The following CDH13 variants were observed in gnomAD, a reference collection of about 807,000 sequenced individuals.
CDH13 encodes the protein cadherin 13.
A neutral mutation model predicts 63.8 loss-of-function variants in CDH13; 24 were observed. That is an observed-to-expected ratio of 0.38 (90% CI 0.27 to 0.53). CDH13 has a LOEUF of 0.53. Ranked by LOEUF, CDH13 falls within the 20% of genes least tolerant of loss-of-function variation. The pLI is 0.85. For missense variants in CDH13, 1,049 were observed against 903.1 expected, an observed-to-expected ratio of 1.16 and a Z score of -2.07; for synonymous variants, 503 against 355.3, an observed-to-expected ratio of 1.42 and a Z score of -4.67.
chr16:83,273,181 T>G (rs1254691060), intron 5 of CDH13, among the ~76,000 whole-genome samples: 1 of 151,940 alleles, frequency 6.6e-6, no homozygotes, highest in East Asian at 1.9e-4. Flanking sequence ...AATTTTTTTT[T>G]CTTTTTTAAA....
chr16:83,708,159 C>T (rs1321881382), intron 10 of CDH13, among the ~76,000 whole-genome samples: 2 of 152,198 alleles, frequency 1.3e-5, no homozygotes, highest in South Asian at 2.1e-4. Flanking sequence ...CCACCCAAAG[C>T]CACCGGGAGA....
At chr16:83,339,795 C>G (rs749556922) in intron 5 of CDH13, among the ~76,000 whole-genome samples, 1 of 152,180 alleles carries the variant, frequency 6.6e-6, no homozygotes, top group African/African-American at 2.4e-5. Flanking sequence ...AAGCTTTCCA[C>G]CGTGTGAGCA....
At chr16:83,625,082 C>A (rs1445222438) in intron 8 of CDH13, among the ~76,000 whole-genome samples, 1 of 152,126 alleles carries the variant, frequency 6.6e-6, no homozygotes, top group Non-Finnish European at 1.5e-5. Flanking sequence ...GCTTTTCCCC[C>A]TGAATTGCCA....
intron 1 of CDH13, among the ~76,000 whole-genome samples, chr16:82,843,800 G>A (rs1384296051): frequency 6.6e-6 from 1 of 152,206 alleles, no homozygotes; most frequent in Non-Finnish European, 1.5e-5. Flanking sequence ...GGTAGGATCT[G>A]ATAATTATTT....
chr16:82,783,153 G>GA (rs1170941902), intron 1 of CDH13, among the ~76,000 whole-genome samples: 2 of 152,210 alleles, frequency 1.3e-5, no homozygotes, highest in Non-Finnish European at 2.9e-5. Context: ...TCCTGTGAAA[G>GA]AAACAGGCTT....
chr16:83,091,220 C>T (rs1157071610), intron 3 of CDH13, among the ~76,000 whole-genome samples: 6 of 151,184 alleles, frequency 4.0e-5, no homozygotes, highest in African/African-American at 1.2e-4. Context: ...TCTCCTTCTC[C>T]TCCTCTTTGC....
At chr16:83,028,198 C>A (rs115711794) in intron 2 of CDH13, among the ~76,000 whole-genome samples, 1 of 152,132 alleles carries the variant, frequency 6.6e-6, no homozygotes, top group Non-Finnish European at 1.5e-5. Flanking sequence ...TAATTTGCCT[C>A]CAGTGGATGA....
At chr16:83,628,916 G>A (rs147247244) in intron 8 of CDH13, among the ~76,000 whole-genome samples, 1 of 152,246 alleles carries the variant, frequency 6.6e-6, no homozygotes, top group East Asian at 1.9e-4. Flanking sequence ...AGAATCAGCA[G>A]GAAACCTACA....
intron 1 of CDH13, among the ~76,000 whole-genome samples, chr16:82,806,646 T>C (rs948453067): frequency 1.3e-5 from 2 of 152,108 alleles, no homozygotes; most frequent in African/African-American, 4.8e-5. Flanking sequence ...AGTTGAATAA[T>C]GGTGGGATTT....
chr16:83,434,057 C>T (rs1676915389), intron 6 of CDH13, among the ~76,000 whole-genome samples: 1 of 152,064 alleles, frequency 6.6e-6, no homozygotes, highest in Admixed American at 6.6e-5. Context: ...CCCAGAAGTG[C>T]AGTACAAGGC....
intron 4 of CDH13, among the ~76,000 whole-genome samples, chr16:83,191,527 AC>A (rs2038711734): frequency 1.3e-5 from 1 of 76,802 alleles, no homozygotes. Flanking sequence ...ACACACACAC[AC>A]ACATATATAT....
intron 7 of CDH13, among the ~76,000 whole-genome samples, chr16:83,508,979 A>G (rs3924391): frequency 0.11 from 16,197 of 152,156 alleles, 1,020 homozygotes; most frequent in African/African-American, 0.18. Flanking sequence ...ACATGCCATC[A>G]CAGCTCTGTG....
At chr16:82,634,522 A>T (rs1409917453) in intron 1 of CDH13, among the ~76,000 whole-genome samples, 2 of 152,194 alleles carry the variant, frequency 1.3e-5, no homozygotes. Context: ...AGGGGTTGCA[A>T]ATTATGGCCC....
chr16:83,310,899 A>G (rs2089985298), intron 5 of CDH13, among the ~76,000 whole-genome samples: 1 of 152,202 alleles, frequency 6.6e-6, no homozygotes, highest in Non-Finnish European at 1.5e-5. Flanking sequence ...GAAGGAATTA[A>G]TGTAGCAGTC....
chr16:82,791,535 C>A (rs1033820913), intron 1 of CDH13, among the ~76,000 whole-genome samples: 3 of 152,168 alleles, frequency 2.0e-5, no homozygotes, highest in Non-Finnish European at 4.4e-5. Flanking sequence ...TCTGTTAAAT[C>A]TTGCAAGTGA....
chr16:82,871,045 T>C (rs1209687535), intron 2 of CDH13, among the ~76,000 whole-genome samples: 2 of 152,216 alleles, frequency 1.3e-5, no homozygotes, highest in South Asian at 2.1e-4. Context: ...TGATGTTCCA[T>C]AGAAGACAAA....
intron 6 of CDH13, among the ~76,000 whole-genome samples, chr16:83,376,006 C>A (rs1433528434): frequency 6.6e-6 from 1 of 152,074 alleles, no homozygotes; most frequent in Non-Finnish European, 1.5e-5. Flanking sequence ...ATTTAAAGGA[C>A]CAAGAGGAGC....
chr16:83,497,100 T>A (rs1598155395), intron 7 of CDH13, among the ~76,000 whole-genome samples: 1 of 152,322 alleles, frequency 6.6e-6, no homozygotes, highest in African/African-American at 2.4e-5. Flanking sequence ...GAAGTCAGTG[T>A]GGCGTTTCCT....
At chr16:83,042,658 G>C (rs916561143) in intron 3 of CDH13, among the ~76,000 whole-genome samples, 5 of 152,158 alleles carry the variant, frequency 3.3e-5, no homozygotes, top group African/African-American at 1.2e-4. Flanking sequence ...ACGGGTCTGT[G>C]GTGCCGAAAA....
Sources: allele counts gnomAD v4.1 joint callset (sites outside exome capture counted in the v4.1 genomes callset), GRCh38; gene constraint gnomAD v4.1.1; transcripts MANE v1.5; gene names NCBI Gene and HGNC (gene_info 2026-07-23, HGNC 2026-07-21).